The following CDH12 variants were observed in gnomAD, a reference collection of about 807,000 sequenced individuals.
The protein encoded by CDH12 is cadherin-12.
In CDH12, 41 loss-of-function variants were observed where a neutral mutation model predicts 74.1. The observed-to-expected ratio is 0.55, with a 90% confidence interval of 0.43 to 0.72. The LOEUF is 0.72. CDH12 is among the 30% of genes least tolerant of loss of function. The pLI is 0.00. For synonymous variants in CDH12, 399 were observed against 355.0 expected (o/e 1.12, Z -1.39); for missense variants, 945 against 977.2 (o/e 0.97, Z 0.44).
At chr5:22,426,021 T>A (rs1743919745) in intron 2 of CDH12, among the ~76,000 whole-genome samples, 2 of 151,916 alleles carry the variant, frequency 1.3e-5, no homozygotes, top group Non-Finnish European at 2.9e-5. Context: ...ACCCCGTATC[T>A]ACTAAAAATA....
At chr5:22,280,639 C>A (rs1040308024) in intron 3 of CDH12, among the ~76,000 whole-genome samples, 1 of 152,152 alleles carries the variant, frequency 6.6e-6, no homozygotes, top group Non-Finnish European at 1.5e-5. Context: ...TTGATAAATT[C>A]CTCGACACAT....
At chr5:22,293,019 C>A (rs1422992736) in intron 3 of CDH12, among the ~76,000 whole-genome samples, 1 of 151,734 alleles carries the variant, frequency 6.6e-6, no homozygotes, top group African/African-American at 2.4e-5. Context: ...AATCTGTAAC[C>A]CACATCCATT....
intron 5 of CDH12, among the ~76,000 whole-genome samples, chr5:22,009,625 AAAAT>A (rs1400918321): frequency 6.6e-6 from 1 of 152,194 alleles, no homozygotes; most frequent in Admixed American, 6.5e-5. Flanking sequence ...CTGTGCAGTA[AAAAT>A]AAATAAATCA....
At chr5:22,625,334 C>G (rs1738231037) in intron 1 of CDH12, among the ~76,000 whole-genome samples, 1 of 151,804 alleles carries the variant, frequency 6.6e-6, no homozygotes, top group South Asian at 2.1e-4. Flanking sequence ...TAAATAAGTT[C>G]AATGATAGGA....
chr5:21,920,510 A>G (rs1754300200), intron 6 of CDH12, among the ~76,000 whole-genome samples: 1 of 151,928 alleles, frequency 6.6e-6, no homozygotes, highest in African/African-American at 2.4e-5. Flanking sequence ...AGGGAACATC[A>G]CACACCGGGG....
intron 1 of CDH12, among the ~76,000 whole-genome samples, chr5:22,673,525 T>G (rs992767): frequency 0.12 from 17,934 of 152,140 alleles, 1,386 homozygotes; most frequent in Admixed American, 0.2. Flanking sequence ...TAACACAGAT[T>G]TTTTATTAAT....
chr5:22,537,599 A>G, intron 1 of CDH12, among the ~76,000 whole-genome samples: 1 of 152,104 alleles, frequency 6.6e-6, no homozygotes, highest in East Asian at 1.9e-4. Flanking sequence ...CTGGCCGGAG[A>G]GATGTCAGCC....
intron 1 of CDH12, among the ~76,000 whole-genome samples, chr5:22,710,979 G>C (rs186595655): frequency 2.2e-4 from 34 of 152,264 alleles, no homozygotes; most frequent in African/African-American, 7.7e-4. Context: ...TATGCCTCAA[G>C]TAGGAATGTC....
At chr5:22,139,541 A>C (rs1176714916) in intron 4 of CDH12, 1 of 142,376 alleles carries the variant, frequency 7.0e-6, no homozygotes, top group Non-Finnish European at 1.5e-5. Context: ...CTCTTGCATA[A>C]AGTTGTTTAT....
intron 8 of CDH12, among the ~76,000 whole-genome samples, chr5:21,836,140 G>A (rs1459720805): frequency 1.3e-5 from 2 of 151,394 alleles, no homozygotes; most frequent in African/African-American, 4.9e-5. Flanking sequence ...GTTAATTTCA[G>A]AATAATAAGA....
chr5:21,963,849 G>A lies in CDH12; in HGVS notation c.526+11242C>T, dbSNP rs185407362. On this transcript the variant is annotated intron_variant, in intron 6 of 14. Coordinates refer to ENST00000382254, the MANE Select transcript of CDH12 (RefSeq NM_004061.5). The stretch of plus-strand genomic sequence containing the variant: ...AAACTGTTAAGTCATTACTTTTCAC[G>A]TCCACTACACATATTACTGCACAGT... Among the ~76,000 whole-genome samples, 540 of 152,050 alleles carry A rather than the reference G, an allele frequency of 3.6e-3. 4 individuals are homozygous for A. The highest frequency in any genetic ancestry group is 0.012 in the African/African-American group (502 of 41,492).
chr5:22,017,010 T>C (rs1463403218), intron 5 of CDH12, among the ~76,000 whole-genome samples: 2 of 152,130 alleles, frequency 1.3e-5, no homozygotes, highest in African/African-American at 4.8e-5. Context: ...ATAGCATCTT[T>C]GTCTCCACTC....
chr5:22,122,843 T>C (rs1745606144), intron 4 of CDH12, among the ~76,000 whole-genome samples: 1 of 152,196 alleles, frequency 6.6e-6, no homozygotes, highest in Admixed American at 6.5e-5. Flanking sequence ...CTTTGGACTC[T>C]AACTGAAACA....
intron 5 of CDH12, among the ~76,000 whole-genome samples, chr5:22,021,695 A>C (rs1737988705): frequency 6.6e-6 from 1 of 152,216 alleles, no homozygotes; most frequent in Non-Finnish European, 1.5e-5. Context: ...ATTTTCATTC[A>C]ATTGGAATAG....
intron 3 of CDH12, among the ~76,000 whole-genome samples, chr5:22,371,334 G>A (rs936477384): frequency 6.6e-6 from 1 of 151,992 alleles, no homozygotes; most frequent in African/African-American, 2.4e-5. Context: ...AGTATTAAAA[G>A]CTAAAGCAAA....
intron 5 of CDH12, among the ~76,000 whole-genome samples, chr5:22,054,949 TA>T (rs1740636053): frequency 6.6e-6 from 1 of 152,176 alleles, no homozygotes. Flanking sequence ...AACGTAGTCA[TA>T]ACCTTTAAGG....
intron 13 of CDH12, among the ~76,000 whole-genome samples, chr5:21,756,536 A>G (rs954677544): frequency 3.9e-5 from 6 of 152,200 alleles, no homozygotes; most frequent in African/African-American, 1.4e-4. Flanking sequence ...GTGAGACAAT[A>G]AAAATTACTA....
At chr5:22,245,872 T>C (rs553445613) in intron 3 of CDH12, among the ~76,000 whole-genome samples, 5 of 152,210 alleles carry the variant, frequency 3.3e-5, no homozygotes, top group African/African-American at 1.2e-4. Context: ...ACCCTCTTAT[T>C]CATATAATTT....
At chr5:22,796,905 C>A (rs529179234) in intron 1 of CDH12, among the ~76,000 whole-genome samples, 1 of 152,170 alleles carries the variant, frequency 6.6e-6, no homozygotes, top group Admixed American at 6.5e-5. Context: ...GGAGGAAAAG[C>A]AAGTTTCATA....
Sources: gnomAD v4.1 joint callset for allele counts (sites outside exome capture counted in the v4.1 genomes callset) on GRCh38, gnomAD v4.1.1 for gene constraint, MANE v1.5 for transcripts, NCBI Gene and HGNC (gene_info 2026-07-23, HGNC 2026-07-21) for gene names.